TMTC1: variants seen among roughly 807,000 people sequenced by gnomAD.
TMTC1 encodes the protein transmembrane O-mannosyltransferase targeting cadherins 1, also known as protein O-mannosyl-transferase TMTC1.
Under a neutral mutation model 104.8 loss-of-function variants are expected in TMTC1, and 73 were observed. That is an observed-to-expected ratio of 0.70 (90% CI 0.58 to 0.85). The LOEUF is 0.85. TMTC1 is among the 40% of genes least tolerant of loss of function. The probability of loss-of-function intolerance (pLI) is 0.00; values close to 1 mark genes in which losing one functional copy is unlikely to be tolerated. For synonymous variants in TMTC1, 434 were observed against 428.7 expected (o/e 1.01, Z -0.15); for missense variants, 1,035 against 1,096.1 (o/e 0.94, Z 0.79).
intron 2 of TMTC1, among the ~76,000 whole-genome samples, chr12:29,761,523 G>A (rs952562640): frequency 1.3e-5 from 2 of 150,718 alleles, no homozygotes; most frequent in Admixed American, 1.3e-4. Flanking sequence ...AGAGGGATGG[G>A]AAACAGATGA....
intron 7 of TMTC1, among the ~76,000 whole-genome samples, chr12:29,584,358 C>T (rs752006254): frequency 6.6e-6 from 1 of 151,920 alleles, no homozygotes; most frequent in Non-Finnish European, 1.5e-5. Context: ...GTAGTTTGTA[C>T]CCATTAATGC....
intron 1 of TMTC1, among the ~76,000 whole-genome samples, chr12:29,780,821 T>C (rs1943818735): frequency 6.6e-6 from 1 of 152,212 alleles, no homozygotes; most frequent in African/African-American, 2.4e-5. Flanking sequence ...TACTTAAAAC[T>C]GCATGGGAAT....
Position 29,604,170 on chromosome 12 carries a change from A to C in TMTC1, c.1250+8T>G. On this transcript the variant is annotated splice_region_variant and intron_variant, in intron 7 of 17. Transcript: ENST00000539277. ...GTCTTGTAGGAGGAAGTCACGTGCA[A>C]TAGTTACCTAGGCATGTAAAGGACT... 6.2e-7 allele frequency: 1 copy of C among 1,613,370 alleles called. No individual in the cohort carries two copies. The highest frequency in any genetic ancestry group is 2.2e-5 in the East Asian group (1 of 44,818).
chr12:29,737,691 C>T (rs1014670426), intron 5 of TMTC1, among the ~76,000 whole-genome samples: 1 of 152,094 alleles, frequency 6.6e-6, no homozygotes, highest in Non-Finnish European at 1.5e-5. Context: ...CAGCCTGGGG[C>T]AGCCTAGATG....
chr12:29,671,105 A>G (rs1285813014), intron 5 of TMTC1, among the ~76,000 whole-genome samples: 1 of 151,284 alleles, frequency 6.6e-6, no homozygotes, highest in Admixed American at 6.6e-5. Context: ...CAGCCTGACC[A>G]GCATGGTGAA....
chr12:29,650,533 C>A (rs949251123), intron 5 of TMTC1, among the ~76,000 whole-genome samples: 1 of 152,204 alleles, frequency 6.6e-6, no homozygotes, highest in East Asian at 1.9e-4. Context: ...TTCCCTCTCT[C>A]AGTGGCAAAG....
At chr12:29,660,320 T>C (rs1265214176) in intron 5 of TMTC1, among the ~76,000 whole-genome samples, 1 of 152,194 alleles carries the variant, frequency 6.6e-6, no homozygotes, top group Admixed American at 6.5e-5. Flanking sequence ...TGAGATGAAC[T>C]GGCTCAGACG....
intron 5 of TMTC1, among the ~76,000 whole-genome samples, chr12:29,750,480 A>G (rs566792942): frequency 6.6e-6 from 1 of 152,250 alleles, no homozygotes; most frequent in South Asian, 2.1e-4. Flanking sequence ...TTACCAGGAC[A>G]CTCCTGGTGC....
Position 29,694,934 on chromosome 12 carries a change from C to CAACAAAACAA in TMTC1, c.938+56722_938+56731dup, listed in dbSNP as rs140290699. ...GGGCAACAAGAGCGAAACTCCATCT[C>CAACAAAACAA]AACAAAACAAAACAAAACAAAACAA... On this transcript the variant is annotated intron_variant, in intron 5 of 17. Coordinates refer to ENST00000539277, the MANE Select transcript of TMTC1 (RefSeq NM_001193451.2). Among the ~76,000 whole-genome samples, 1,472 of 151,692 alleles carry CAACAAAACAA rather than the reference C, an allele frequency of 9.7e-3. 16 individuals are homozygous for CAACAAAACAA. Among genetic ancestry groups the CAACAAAACAA allele is most frequent in the African/African-American group, 0.034 (1,393 of 41,250 alleles).
intron 7 of TMTC1, among the ~76,000 whole-genome samples, chr12:29,600,517 C>A (rs533663966): frequency 5.3e-5 from 8 of 152,244 alleles, no homozygotes; most frequent in African/African-American, 1.9e-4. Context: ...GAATCCAGGG[C>A]CAAAAGGAAC....
chr12:29,600,050 C>A (rs1373104211), intron 7 of TMTC1, among the ~76,000 whole-genome samples: 3 of 133,074 alleles, frequency 2.3e-5, no homozygotes, highest in Non-Finnish European at 4.7e-5. Flanking sequence ...GATACTAATG[C>A]TGTGGAAAAT....
intron 5 of TMTC1, among the ~76,000 whole-genome samples, chr12:29,712,532 TA>T (rs1268024683): frequency 6.6e-6 from 1 of 152,218 alleles, no homozygotes; most frequent in East Asian, 1.9e-4. Context: ...CATTTTATTT[TA>T]AAAATCTATA....
Position 29,783,180 on chromosome 12 carries a change from G to A in TMTC1, c.302+270C>T, listed in dbSNP as rs943550753. On this transcript the variant is annotated intron_variant, in intron 1 of 17. Transcript: ENST00000539277. The surrounding 1 kb of genome is among the most constrained non-coding windows in gnomAD (Gnocchi z 4.7). ...ACCAGCCCGCTCCCAGCCCTGCCTC[G>A]AGAGAGAAGCCCGCTGAGAGGGCAG... 8.1e-6 allele frequency: 3 copies of A among 370,486 alleles called. No homozygotes were observed. The highest frequency in any genetic ancestry group is 2.1e-5 in the African/African-American group (1 of 48,032). 22.9% of individuals were successfully genotyped at this position (370,486 alleles called of 1,614,324 possible).
intron 5 of TMTC1, among the ~76,000 whole-genome samples, chr12:29,672,491 A>G (rs1468533885): frequency 6.6e-6 from 1 of 152,080 alleles, no homozygotes; most frequent in Non-Finnish European, 1.5e-5. Context: ...CTCACTTTCT[A>G]TCCCACCTTT....
intron 1 of TMTC1, among the ~76,000 whole-genome samples, chr12:29,770,672 C>T (rs181235368): frequency 3.0e-4 from 46 of 152,226 alleles, no homozygotes; most frequent in Admixed American, 1.4e-3. Flanking sequence ...TTACCTGGAA[C>T]CTAACATTGG....
At chr12:29,778,215 A>C (rs555723450) in intron 1 of TMTC1, among the ~76,000 whole-genome samples, 1 of 152,358 alleles carries the variant, frequency 6.6e-6, no homozygotes, top group East Asian at 1.9e-4. Flanking sequence ...AAACACACAG[A>C]GAAAGAATCA....
At chr12:29,600,895 G>A (rs2136390513) in intron 7 of TMTC1, among the ~76,000 whole-genome samples, 1 of 152,302 alleles carries the variant, frequency 6.6e-6, no homozygotes, top group South Asian at 2.1e-4. Context: ...TAGTGATAAT[G>A]CTGCAAGGCA....
intron 5 of TMTC1, among the ~76,000 whole-genome samples, chr12:29,674,633 A>G (rs1940652226): frequency 6.6e-6 from 1 of 152,218 alleles, no homozygotes; most frequent in South Asian, 2.1e-4. Context: ...TCCATGCACA[A>G]GGCAGCCAGC....
At chr12:29,712,131 A>C (rs1277758225) in intron 5 of TMTC1, among the ~76,000 whole-genome samples, 1 of 151,974 alleles carries the variant, frequency 6.6e-6, no homozygotes, top group East Asian at 1.9e-4. Context: ...CCCCTCAACT[A>C]CATCCGATGT....
Sources: allele counts gnomAD v4.1 joint callset (sites outside exome capture counted in the v4.1 genomes callset), GRCh38; gene constraint gnomAD v4.1.1; non-coding constraint Gnocchi (gnomAD v3.1); transcripts MANE v1.5; gene names NCBI Gene and HGNC (gene_info 2026-07-23, HGNC 2026-07-21).